The following MCC variants were observed in gnomAD, a reference collection of about 807,000 sequenced individuals.
The protein encoded by MCC is colorectal mutant cancer protein.
Under a neutral mutation model 116.2 loss-of-function variants are expected in MCC, and 90 were observed. The ratio of observed to expected loss-of-function variants is 0.77; its 90% CI spans 0.65 to 0.92. The LOEUF (loss-of-function observed/expected upper bound fraction) is 0.92, where lower values mean the gene tolerates loss of function less well. Among genes scored for constraint, MCC ranks in the 40% least tolerant of loss-of-function variants. MCC has a pLI of 0.00. For synonymous variants in MCC, 578 were observed against 510.5 expected (o/e 1.13, Z -1.78); for missense variants, 1,516 against 1,312.2 (o/e 1.16, Z -2.40).
At chr5:113,432,320 C>CA (rs66577040) in intron 1 of MCC, among the ~76,000 whole-genome samples, 8,611 of 67,704 alleles carry the variant, frequency 0.13, 588 homozygotes, top group East Asian at 0.21. Context: ...GACTCTGTCT[C>CA]AAAAAAAAAA....
At chr5:113,060,695 G>C (rs1554110636) in intron 14 of MCC, among the ~76,000 whole-genome samples, 1 of 152,174 alleles carries the variant, frequency 6.6e-6, no homozygotes, top group Non-Finnish European at 1.5e-5. Flanking sequence ...ACCATAAAAA[G>C]CATTCCATGT....
chr5:113,467,558 C>A (rs891761437), intron 1 of MCC, among the ~76,000 whole-genome samples: 12 of 152,196 alleles, frequency 7.9e-5, no homozygotes, highest in African/African-American at 2.6e-4. Flanking sequence ...TGTTTTGGTA[C>A]CAGTACCACG....
At chr5:113,419,038 G>A (rs1394038315) in intron 1 of MCC, among the ~76,000 whole-genome samples, 1 of 152,128 alleles carries the variant, frequency 6.6e-6, no homozygotes, top group East Asian at 1.9e-4. Flanking sequence ...CAATTCCTAA[G>A]AACGTTAAAC....
At chr5:113,149,935 A>G (rs1259470293) in intron 4 of MCC, among the ~76,000 whole-genome samples, 2 of 152,208 alleles carry the variant, frequency 1.3e-5, no homozygotes, top group African/African-American at 4.8e-5. Context: ...CAGGAAAGTA[A>G]GGATGCCCAA....
intron 3 of MCC, among the ~76,000 whole-genome samples, chr5:113,252,282 G>T (rs1764831992): frequency 6.6e-6 from 1 of 152,210 alleles, no homozygotes; most frequent in Non-Finnish European, 1.5e-5. Flanking sequence ...AAAGCAGGAG[G>T]TGAGTGGTGG....
chr5:113,420,397 C>T (rs1770295671), intron 1 of MCC, among the ~76,000 whole-genome samples: 1 of 152,176 alleles, frequency 6.6e-6, no homozygotes, highest in African/African-American at 2.4e-5. Context: ...TCAAACAACT[C>T]AGGACAAACA....
At chr5:113,453,461 T>C (rs558212813) in intron 1 of MCC, among the ~76,000 whole-genome samples, 1 of 152,332 alleles carries the variant, frequency 6.6e-6, no homozygotes, top group African/African-American at 2.4e-5. Context: ...CCTAGGCTGC[T>C]GTCACTGGGG....
intron 8 of MCC, among the ~76,000 whole-genome samples, chr5:113,090,097 G>C (rs1179938983): frequency 6.6e-6 from 1 of 152,176 alleles, no homozygotes; most frequent in Non-Finnish European, 1.5e-5. Flanking sequence ...GGTCCAGGAA[G>C]GAGGTGTGGC....
At chr5:113,457,994 G>T (rs1160761608) in intron 1 of MCC, among the ~76,000 whole-genome samples, 1 of 152,024 alleles carries the variant, frequency 6.6e-6, no homozygotes, top group Non-Finnish European at 1.5e-5. Context: ...GTGGGGACTT[G>T]GAGAACCTTT....
intron 4 of MCC, among the ~76,000 whole-genome samples, chr5:113,145,511 C>A (rs1759440652): frequency 6.6e-6 from 1 of 152,158 alleles, no homozygotes; most frequent in Non-Finnish European, 1.5e-5. Flanking sequence ...GCCACTACCA[C>A]CACCTGGGCT....
chr5:113,406,768 G>A (rs2150400921), intron 1 of MCC, among the ~76,000 whole-genome samples: 1 of 152,256 alleles, frequency 6.6e-6, no homozygotes, highest in South Asian at 2.1e-4. Flanking sequence ...CTTACAAAGA[G>A]AATTTAGAGT....
chr5:113,082,017 A>G (rs1046188247), intron 11 of MCC, among the ~76,000 whole-genome samples: 1 of 152,234 alleles, frequency 6.6e-6, no homozygotes, highest in African/African-American at 2.4e-5. Context: ...ATGTGACTCA[A>G]CAGTCCATTC....
At position 113,024,836 on chromosome 5, in the gene MCC, G is replaced by C. The variant is rs1277176642; in HGVS notation, c.*2466C>G. 2 of 152,014 alleles carry C rather than the reference G, an allele frequency of 1.3e-5. No homozygotes were observed. Among genetic ancestry groups the C allele is most frequent in the Non-Finnish European group, 2.9e-5 (2 of 67,992 alleles). 9.4% of individuals were successfully genotyped at this position (152,014 alleles called of 1,614,324 possible). A position where few individuals can be genotyped will look rare whatever the true frequency, so the allele number is the denominator to read the frequency against. ...AAGGATTGTGTCTTGGGGAGTATTT[G>C]AAAAATACAAGAAAAGGAAAAACTT... On this transcript the variant is annotated 3_prime_UTR_variant, in exon 19 of 19. Transcript: ENST00000408903.
At chr5:113,327,577 T>TAC (rs1767599609) in intron 3 of MCC, among the ~76,000 whole-genome samples, 1 of 133,768 alleles carries the variant, frequency 7.5e-6, no homozygotes, top group Non-Finnish European at 1.6e-5. Flanking sequence ...TATATATATA[T>TAC]ATATATATAA....
At chr5:113,161,502 A>C (rs1420846056) in intron 3 of MCC, among the ~76,000 whole-genome samples, 1 of 152,216 alleles carries the variant, frequency 6.6e-6, no homozygotes, top group Non-Finnish European at 1.5e-5. Context: ...AACTCCACAG[A>C]TCAGGAAAGG....
At chr5:113,027,934 C>G (rs1001933598) in intron 18 of MCC, among the ~76,000 whole-genome samples, 1 of 152,214 alleles carries the variant, frequency 6.6e-6, no homozygotes, top group Non-Finnish European at 1.5e-5. Flanking sequence ...TCTTGTTCCA[C>G]CTTCCCTTTA....
At chr5:113,132,374 A>G (rs528907695) in intron 5 of MCC, among the ~76,000 whole-genome samples, 44 of 131,248 alleles carry the variant, frequency 3.4e-4, no homozygotes, top group Middle Eastern at 4.1e-3. Context: ...GTGTGTGTGT[A>G]TATATATACA....
intron 3 of MCC, among the ~76,000 whole-genome samples, chr5:113,329,801 C>T (rs1267982796): frequency 6.6e-6 from 1 of 152,176 alleles, no homozygotes; most frequent in African/African-American, 2.4e-5. Flanking sequence ...ACCTCCAGTC[C>T]ATCCCTTTAG....
At chr5:113,403,425 CT>C (rs1769747031) in intron 1 of MCC, among the ~76,000 whole-genome samples, 1 of 152,228 alleles carries the variant, frequency 6.6e-6, no homozygotes, top group South Asian at 2.1e-4. Context: ...AATCCTTCAA[CT>C]AACCACGATC....
Sources: gnomAD v4.1 joint callset for allele counts (sites outside exome capture counted in the v4.1 genomes callset) on GRCh38, gnomAD v4.1.1 for gene constraint, MANE v1.5 for transcripts, NCBI Gene and HGNC (gene_info 2026-07-23, HGNC 2026-07-21) for gene names.